The following ZNF124 variants were observed in gnomAD, a reference collection of about 807,000 sequenced individuals.
ZNF124 encodes zinc finger protein 124.
Under a neutral mutation model 26.6 loss-of-function variants are expected in ZNF124, and 25 were observed. The observed-to-expected ratio is 0.94, with a 90% CI of 0.68 to 1.31. The LOEUF is 1.31. Ranked by LOEUF, ZNF124 falls within the 40% of genes most tolerant of loss-of-function variation. The probability of loss-of-function intolerance (pLI) is 0.00; values close to 1 mark genes in which losing one functional copy is unlikely to be tolerated. For missense variants in ZNF124, 444 were observed against 422.2 expected (o/e 1.05, Z -0.45); for synonymous variants, 129 against 133.3 (o/e 0.97, Z 0.22).
intron 3 of ZNF124, among the ~76,000 whole-genome samples, chr1:247,144,163 C>A (rs1672702214): frequency 6.6e-6 from 1 of 152,200 alleles, no homozygotes; most frequent in African/African-American, 2.4e-5. Flanking sequence ...CTTCCATTCT[C>A]CATATCTCCT....
intron 1 of ZNF124, among the ~76,000 whole-genome samples, chr1:247,160,799 C>T (rs1272846446): frequency 6.6e-6 from 1 of 152,140 alleles, no homozygotes. Context: ...AAATTGAGCC[C>T]AATCCACGTG....
intron 3 of ZNF124, among the ~76,000 whole-genome samples, chr1:247,125,482 C>T (rs1167210388): frequency 2.4e-4 from 16 of 66,076 alleles, no homozygotes; most frequent in African/African-American, 8.4e-4. Flanking sequence ...TTTCCTCTTT[C>T]GCCCAGGCTG....
At chr1:247,167,017 T>C (rs1673818521) in intron 1 of ZNF124, among the ~76,000 whole-genome samples, 1 of 152,198 alleles carries the variant, frequency 6.6e-6, no homozygotes, top group African/African-American at 2.4e-5. Context: ...TGTATGACAT[T>C]TGCAAAATGA....
At chr1:247,142,538 C>G (rs536545740) in intron 3 of ZNF124, among the ~76,000 whole-genome samples, 46 of 152,270 alleles carry the variant, frequency 3.0e-4, no homozygotes, top group African/African-American at 1.1e-3. Context: ...CACTTGAACT[C>G]AGAAAAGGCT....
chr1:247,162,724 A>G lies in ZNF124; in HGVS notation c.31-2911T>C, dbSNP rs140586983. Among the ~76,000 whole-genome samples, 19 of 152,280 alleles carry G rather than the reference A, an allele frequency of 1.2e-4. No individual in the cohort carries two copies. In the East Asian group the frequency reaches 3.5e-3, roughly 28 times the overall value. On this transcript the variant is annotated intron_variant, in intron 1 of 3. Coordinates refer to ENST00000543802, the MANE Select transcript of ZNF124 (RefSeq NM_001297568.2). ...GTATTACATATTGGTAAAAGGTTCAATCCAACAAGCAGACCTAACTATCCT... is the reference window on the plus strand; with the variant it reads ...GTATTACATATTGGTAAAAGGTTCAGTCCAACAAGCAGACCTAACTATCCT...
intron 1 of ZNF124, among the ~76,000 whole-genome samples, chr1:247,161,566 CAA>C (rs947930163): frequency 6.7e-6 from 1 of 149,046 alleles, no homozygotes; most frequent in African/African-American, 2.5e-5. Context: ...AATTAAAAGA[CAA>C]AAAACAGTAA....
intron 3 of ZNF124, among the ~76,000 whole-genome samples, chr1:247,140,604 C>T (rs1264478315): frequency 3.3e-5 from 5 of 152,182 alleles, no homozygotes; most frequent in Admixed American, 2.0e-4. Context: ...GTGGGTGTTC[C>T]TGTAACTGCA....
chr1:247,139,136 C>T (rs1044693396), intron 3 of ZNF124, among the ~76,000 whole-genome samples: 3 of 152,208 alleles, frequency 2.0e-5, no homozygotes, highest in Non-Finnish European at 4.4e-5. Flanking sequence ...AGCTGTGCTC[C>T]GATCACCCTG....
chr1:247,131,763 A>C (rs1672374364), intron 3 of ZNF124, among the ~76,000 whole-genome samples: 1 of 151,926 alleles, frequency 6.6e-6, no homozygotes, highest in African/African-American at 2.4e-5. Flanking sequence ...ATGCTCAGGG[A>C]CAGAATTTGG....
Position 247,156,417 on chromosome 1 carries a change from T to C in ZNF124, c.*149A>G, listed in dbSNP as rs1332527334. ...ATTGAATGCTTTACCTTATTGCTTA[T>C]AGTCATAGGGTTTATCTCCAGTTTG... On this transcript the variant is annotated 3_prime_UTR_variant, in exon 4 of 4. Transcript: ENST00000543802. The C allele has an allele frequency of 1.5e-6, 2 of 1,305,950 alleles. No individual in the cohort carries two copies. The highest frequency in any genetic ancestry group is 1.9e-6 in the Non-Finnish European group (2 of 1,027,940). 80.9% of individuals were successfully genotyped at this position (1,305,950 alleles called of 1,614,324 possible).
intron 3 of ZNF124, chr1:247,138,443 A>C: frequency 1.2e-5 from 3 of 241,302 alleles, no homozygotes; most frequent in Non-Finnish European, 1.6e-5. Context: ...CAGAGGGGGA[A>C]CAACACACAC....
downstream of ZNF124, among the ~76,000 whole-genome samples, chr1:247,152,596 A>G (rs1672977528): frequency 2.6e-5 from 4 of 152,202 alleles, no homozygotes; most frequent in Non-Finnish European, 4.4e-5. Context: ...ATGGTAAATC[A>G]TTGTCATTGT....
intron 3 of ZNF124, among the ~76,000 whole-genome samples, chr1:247,137,278 C>G (rs1325422273): frequency 6.6e-6 from 1 of 150,830 alleles, no homozygotes; most frequent in Non-Finnish European, 1.5e-5. Flanking sequence ...GGACTGCTTC[C>G]TTATACCAAA....
At chr1:247,163,149 C>T (rs1673581078) in intron 1 of ZNF124, among the ~76,000 whole-genome samples, 1 of 152,046 alleles carries the variant, frequency 6.6e-6, no homozygotes, top group Non-Finnish European at 1.5e-5. Context: ...ACAGCTAAGG[C>T]AGTGTTAAGA....
intron 3 of ZNF124, among the ~76,000 whole-genome samples, chr1:247,139,958 A>G (rs1416507511): frequency 6.6e-6 from 1 of 151,998 alleles, no homozygotes; most frequent in East Asian, 1.9e-4. Flanking sequence ...AAATCTGATT[A>G]TTGTGTGTCT....
intron 1 of ZNF124, among the ~76,000 whole-genome samples, chr1:247,166,072 G>A (rs529544771): frequency 3.3e-5 from 5 of 152,152 alleles, no homozygotes; most frequent in Non-Finnish European, 4.4e-5. Context: ...CCAGCTACTC[G>A]TGAGGCTGAG....
chr1:247,138,243 GGTGTATATATATAT>G (rs1428846591), intron 3 of ZNF124: 1 of 151,750 alleles, frequency 6.6e-6, no homozygotes, highest in Admixed American at 6.6e-5. Context: ...AAGAAAATGT[GGTGTATATATATAT>G]GTGTATATAT....
At chr1:247,138,335 G>A (rs775895807) in intron 3 of ZNF124, 32 of 157,658 alleles carry the variant, frequency 2.0e-4, no homozygotes, top group Non-Finnish European at 3.1e-4. Context: ...CATGGATGAA[G>A]CTGGAAGTCA....
At chr1:247,139,824 G>A (rs1380300130) in intron 3 of ZNF124, among the ~76,000 whole-genome samples, 1 of 152,188 alleles carries the variant, frequency 6.6e-6, no homozygotes, top group African/African-American at 2.4e-5. Flanking sequence ...TATAGGCCCT[G>A]AGTCTTTTCT....
Sources: gnomAD v4.1 joint callset for allele counts (sites outside exome capture counted in the v4.1 genomes callset) on GRCh38, gnomAD v4.1.1 for gene constraint, MANE v1.5 for transcripts, NCBI Gene and HGNC (gene_info 2026-07-23, HGNC 2026-07-21) for gene names.